The following CCNB3 variants were observed in gnomAD, a reference collection of about 807,000 sequenced individuals.
The protein encoded by CCNB3 is G2/mitotic-specific cyclin-B3.
Under a neutral mutation model 68.0 loss-of-function variants are expected in CCNB3, and 12 were observed. That is an observed-to-expected ratio of 0.18 (90% CI 0.11 to 0.29). The LOEUF is 0.29. CCNB3 is among the 10% of genes least tolerant of loss of function. The pLI is 1.00. For missense variants in CCNB3, 904 were observed against 993.1 expected (o/e 0.91, Z 1.21); for synonymous variants, 354 against 388.9 (o/e 0.91, Z 1.06).
chrX:50,301,833 G>A (rs1243532350), intron 5 of CCNB3, among the ~76,000 whole-genome samples: 3 of 112,796 alleles, frequency 2.7e-5, no homozygotes, highest in African/African-American at 9.6e-5. Context: ...CTGGGCAATG[G>A]CAGGTGCCCC....
chrX:50,279,325 A>G (rs1239492322), intron 1 of CCNB3, among the ~76,000 whole-genome samples: 1 of 73,850 alleles, frequency 1.4e-5, no homozygotes, highest in Non-Finnish European at 2.3e-5. Context: ...ATATATATTT[A>G]AATATATATG....
At chrX:50,210,581 C>G (rs1339754091) in intron 1 of CCNB3, among the ~76,000 whole-genome samples, 1 of 111,286 alleles carries the variant, frequency 9.0e-6, no homozygotes, top group African/African-American at 3.3e-5. Flanking sequence ...GGTTACTTGT[C>G]TACAATGATG....
At chrX:50,228,715 T>C (rs1381424788) in intron 1 of CCNB3, among the ~76,000 whole-genome samples, 1 of 60,858 alleles carries the variant, frequency 1.6e-5, no homozygotes. Context: ...AGAATATATA[T>C]AAAGAATATA....
intron 1 of CCNB3, among the ~76,000 whole-genome samples, chrX:50,213,243 T>G (rs1191811452): frequency 1.8e-5 from 2 of 112,282 alleles, no homozygotes; most frequent in African/African-American, 6.5e-5. Context: ...TCCATTTATT[T>G]AGGTCTTTCT....
intron 8 of CCNB3, among the ~76,000 whole-genome samples, chrX:50,314,333 A>G (rs1371456036): frequency 1.8e-5 from 2 of 111,631 alleles, no homozygotes; most frequent in Non-Finnish European, 3.8e-5. Flanking sequence ...AATAGGAAGG[A>G]CAGTGTGGCA....
At position 50,293,481 on chromosome X, in the gene CCNB3, T is replaced by C. The variant is rs782611880; in HGVS notation, c.205-1382T>C. Among the ~76,000 whole-genome samples the C allele has an allele frequency of 3.6e-5, 4 of 111,438 alleles. No homozygotes were observed. The South Asian group carries it at 1.5e-3, about 42-fold the overall frequency. On this transcript the variant is annotated intron_variant, in intron 4 of 12. Coordinates refer to ENST00000376042, the MANE Select transcript of CCNB3 (RefSeq NM_033031.3). ...TTAGGTTGTCTATTTGAGATCTTTC[T>C]AGCTTTTTGATGTGGGCATTTAGTA...
chrX:50,219,172 C>G (rs1189537832), intron 1 of CCNB3, among the ~76,000 whole-genome samples: 9 of 110,829 alleles, frequency 8.1e-5, no homozygotes, highest in African/African-American at 3.0e-4. Flanking sequence ...GGATATTAGC[C>G]CTTTGTCAGA....
At chrX:50,228,654 T>A (rs1272935284) in intron 1 of CCNB3, among the ~76,000 whole-genome samples, 3 of 74,086 alleles carry the variant, frequency 4.0e-5, no homozygotes, top group Middle Eastern at 0.02. Flanking sequence ...ATATATAGAA[T>A]ATATAGAATA....
At chrX:50,294,732 C>A in intron 4 of CCNB3, 131 bp from the exon 5 acceptor site, 1 of 725,137 alleles carries the variant, frequency 1.4e-6, no homozygotes, top group Non-Finnish European at 2.0e-6. Flanking sequence ...GATTATCACT[C>A]CTGGGAACAC....
intron 1 of CCNB3, among the ~76,000 whole-genome samples, chrX:50,227,431 A>G (rs1360670614): frequency 4.5e-5 from 4 of 88,486 alleles, no homozygotes; most frequent in Non-Finnish European, 8.5e-5. Flanking sequence ...ATAAATATAT[A>G]CAGAGAATAT....
At position 50,311,383 on chromosome X, in the gene CCNB3, A is replaced by C. The variant is rs1557214982; in HGVS notation, c.3214A>C (p.Ser1072Arg). ...CCCTGAATCCATAACAGAGAAGTCC[A>C]GCATTGCAACCATGACCAGCGTGGG... ...TTPESITEKSSIATMTSVGKS... is the reference protein window; with the variant it reads ...TTPESITEKSRIATMTSVGKS... Residue 1072 changes from serine (S) to arginine (R), a missense_variant, in exon 6 of 13, where the codon AGC becomes CGC. By Grantham distance (110) the Ser-to-Arg change is moderately radical. Coordinates refer to ENST00000376042, the MANE Select transcript of CCNB3 (RefSeq NM_033031.3). 2 of 1,209,002 alleles carry C rather than the reference A, an allele frequency of 1.7e-6. No homozygotes were observed. Among genetic ancestry groups the C allele is most frequent in the African/African-American group, 3.5e-5 (2 of 56,923 alleles).
chrX:50,336,991 G>T (rs4531195), intron 8 of CCNB3, among the ~76,000 whole-genome samples: 3,727 of 111,436 alleles, frequency 0.033, 140 homozygotes, highest in African/African-American at 0.12. Flanking sequence ...GCTTTTCGGT[G>T]TAAGTTGGAG....
chrX:50,332,264 C>T (rs1158047438), intron 8 of CCNB3, among the ~76,000 whole-genome samples: 4 of 111,297 alleles, frequency 3.6e-5, no homozygotes, highest in East Asian at 5.6e-4. Flanking sequence ...ACATGGGAGG[C>T]TTAGAGGGGT....
chrX:50,206,355 T>C (rs1309030393), intron 1 of CCNB3, among the ~76,000 whole-genome samples: 1 of 111,400 alleles, frequency 9.0e-6, no homozygotes, highest in East Asian at 2.8e-4. Flanking sequence ...GAAGAAAGCT[T>C]GAGGGCAGGA....
intron 3 of CCNB3, among the ~76,000 whole-genome samples, chrX:50,288,187 A>G (rs1002954926): frequency 9.2e-6 from 1 of 109,131 alleles, no homozygotes; most frequent in Non-Finnish European, 1.9e-5. Context: ...TGCTTGAATC[A>G]TCCCAAAACC....
chrX:50,341,377 A>T (rs1557219599), intron 8 of CCNB3, among the ~76,000 whole-genome samples: 1 of 108,710 alleles, frequency 9.2e-6, no homozygotes, highest in African/African-American at 3.3e-5. Flanking sequence ...ATAAATAAGT[A>T]AAAATTTAAA....
chrX:50,332,014 T>G (rs2147088640), intron 8 of CCNB3, among the ~76,000 whole-genome samples: 1 of 111,737 alleles, frequency 8.9e-6, no homozygotes, highest in East Asian at 2.8e-4. Flanking sequence ...GTATCCACAT[T>G]CATTTACACA....
At chrX:50,219,125 T>C (rs1935630517) in intron 1 of CCNB3, among the ~76,000 whole-genome samples, 1 of 112,157 alleles carries the variant, frequency 8.9e-6, no homozygotes, top group African/African-American at 3.2e-5. Flanking sequence ...TTGTTTGTTT[T>C]TTTCTTGTAA....
chrX:50,343,461 G>C (rs192532662), intron 9 of CCNB3, among the ~76,000 whole-genome samples: 10 of 111,988 alleles, frequency 8.9e-5, no homozygotes, highest in Admixed American at 8.5e-4. Flanking sequence ...CCCAGCACTT[G>C]GGGAGGCTAA....
Sources: allele counts gnomAD v4.1 joint callset (sites outside exome capture counted in the v4.1 genomes callset), GRCh38; gene constraint gnomAD v4.1.1; transcripts MANE v1.5; gene names NCBI Gene and HGNC (gene_info 2026-07-23, HGNC 2026-07-21).